NDUFA12: variants seen among roughly 807,000 people sequenced by gnomAD.
NDUFA12 encodes NADH:ubiquinone oxidoreductase subunit A12.
In NDUFA12, 17 loss-of-function variants were observed where a neutral mutation model predicts 20.3. That is an observed-to-expected ratio of 0.84 (90% CI 0.57 to 1.26). The LOEUF (loss-of-function observed/expected upper bound fraction) is 1.26, where lower values mean the gene tolerates loss of function less well. Among genes scored for constraint, NDUFA12 ranks in the 50% most tolerant of loss-of-function variants. NDUFA12 has a pLI of 0.00. For synonymous variants in NDUFA12, 72 were observed against 63.6 expected (o/e 1.13, Z -0.63); for missense variants, 191 against 183.7 (o/e 1.04, Z -0.23).
chr12:94,994,083 C>T, intron 3 of NDUFA12, 87 bp downstream of exon 3: 2 of 1,171,406 alleles, frequency 1.7e-6, no homozygotes, highest in Non-Finnish European at 2.5e-6. Flanking sequence ...ATGATCATGT[C>T]ACTGCACTCC....
Position 94,979,558 on chromosome 12 carries a change from A to C in NDUFA12, c.258-7938T>G, listed in dbSNP as rs1592699078. The stretch of plus-strand genomic sequence containing the variant: ...GAAAGGATTAAAAAGGGACGGGGTG[A>C]GGTGGCTTACACCTGTAATCCCAGC... On this transcript the variant is annotated intron_variant, in intron 3 of 3. Coordinates refer to ENST00000327772, the MANE Select transcript of NDUFA12 (RefSeq NM_018838.5). 2.0e-5 allele frequency among the ~76,000 whole-genome samples: 3 copies of C among 152,160 alleles called. No homozygotes were observed. In the East Asian group the frequency reaches 5.8e-4, roughly 29 times the overall value.
At chr12:94,980,989 A>G (rs1874217308) in intron 3 of NDUFA12, among the ~76,000 whole-genome samples, 5 of 152,188 alleles carry the variant, frequency 3.3e-5, no homozygotes, top group Admixed American at 2.0e-4. Context: ...GCTAACTACC[A>G]TAACAATGAA....
intron 3 of NDUFA12, among the ~76,000 whole-genome samples, chr12:94,976,139 A>T (rs1428505897): frequency 2.0e-5 from 3 of 152,230 alleles, no homozygotes; most frequent in Non-Finnish European, 4.4e-5. Context: ...ACTTATAGAT[A>T]GCATTTATAA....
At chr12:94,982,197 T>C (rs1184266843) in intron 3 of NDUFA12, among the ~76,000 whole-genome samples, 2 of 152,028 alleles carry the variant, frequency 1.3e-5, no homozygotes, top group Non-Finnish European at 2.9e-5. Flanking sequence ...CAGATGTTCC[T>C]CTCCCTGGGA....
At chr12:95,000,798 AT>A (rs1259726724) in intron 2 of NDUFA12, among the ~76,000 whole-genome samples, 19 of 152,290 alleles carry the variant, frequency 1.2e-4, no homozygotes, top group Admixed American at 1.2e-3. Flanking sequence ...TGCTACTGGA[AT>A]TTTTTTATAT....
At chr12:94,992,346 AC>A (rs764398622) in intron 3 of NDUFA12, among the ~76,000 whole-genome samples, 21 of 152,198 alleles carry the variant, frequency 1.4e-4, no homozygotes, top group Non-Finnish European at 2.5e-4. Flanking sequence ...AATGAGACTA[AC>A]CCCCAGAGAG....
At chr12:94,986,234 C>T (rs1404964472) in intron 3 of NDUFA12, among the ~76,000 whole-genome samples, 1 of 151,912 alleles carries the variant, frequency 6.6e-6, no homozygotes, top group East Asian at 1.9e-4. Context: ...GAACAAGACC[C>T]TGTCTTCAAA....
Position 94,990,905 on chromosome 12 carries a change from A to G in NDUFA12, c.257+3265T>C, listed in dbSNP as rs555509947. On this transcript the variant is annotated intron_variant, in intron 3 of 3. Coordinates refer to ENST00000327772, the MANE Select transcript of NDUFA12 (RefSeq NM_018838.5). ...TTAGCTCACAGTATTTGAAAAACAA[A>G]CAAACTATTCTGTCCAATCGAGTAG... is the stretch of plus-strand genomic sequence containing the variant. 4.9e-4 allele frequency among the ~76,000 whole-genome samples: 74 copies of G among 152,312 alleles called. No individual in the cohort carries two copies. The South Asian group carries it at 5.0e-3, about 10-fold the overall frequency.
chr12:94,984,835 G>C (rs1416909759), intron 3 of NDUFA12, among the ~76,000 whole-genome samples: 2 of 150,374 alleles, frequency 1.3e-5, no homozygotes, highest in Non-Finnish European at 2.9e-5. Flanking sequence ...AAAATTAGCT[G>C]GGCGTGGCAG....
At chr12:94,987,791 CAAAAAA>C (rs61711763) in intron 3 of NDUFA12, among the ~76,000 whole-genome samples, 15 of 69,346 alleles carry the variant, frequency 2.2e-4, no homozygotes, top group African/African-American at 7.7e-4. Context: ...GACATTGTCT[CAAAAAA>C]AAAAAAAAAA....
chr12:94,980,143 T>C (rs1242807120), intron 3 of NDUFA12, among the ~76,000 whole-genome samples: 1 of 152,204 alleles, frequency 6.6e-6, no homozygotes, highest in South Asian at 2.1e-4. Flanking sequence ...CTTTGCTGGT[T>C]TGGCAGGTTT....
At chr12:94,997,974 G>T (rs1255764678) in intron 2 of NDUFA12, among the ~76,000 whole-genome samples, 2 of 152,114 alleles carry the variant, frequency 1.3e-5, no homozygotes, top group Non-Finnish European at 2.9e-5. Context: ...GCTGCTGCTG[G>T]TCATTCTATG....
chr12:94,995,701 T>G (rs1874801693), intron 2 of NDUFA12, among the ~76,000 whole-genome samples: 1 of 152,016 alleles, frequency 6.6e-6, no homozygotes, highest in African/African-American at 2.4e-5. Flanking sequence ...GCCTGGCTAA[T>G]TTTTGTATTT....
At position 94,996,324 on chromosome 12, in the gene NDUFA12, T is replaced by TATACAC. The variant is rs1555201259; in HGVS notation, c.170-2068_170-2067insGTGTAT. Among the ~76,000 whole-genome samples the TATACAC allele has an allele frequency of 5.1e-3, 725 of 141,270 alleles. 4 individuals carry two copies. Among genetic ancestry groups the TATACAC allele is most frequent in the Middle Eastern group, 0.044 (12 of 270 alleles). 92.7% of individuals were successfully genotyped at this position (141,270 alleles called of 152,430 possible). A position where few individuals can be genotyped will look rare whatever the true frequency, so the allele number is the denominator to read the frequency against. ...ATATATAAATACATACATATATAGG[T>TATACAC]ACACACACACACACACACACACACA... On this transcript the variant is annotated intron_variant, in intron 2 of 3. Coordinates refer to ENST00000327772, the MANE Select transcript of NDUFA12 (RefSeq NM_018838.5).
At chr12:94,977,063 G>T (rs11835477) in intron 3 of NDUFA12, among the ~76,000 whole-genome samples, 1,800 of 152,302 alleles carry the variant, frequency 0.012, 30 homozygotes, top group African/African-American at 0.041. Context: ...AATTAATGCA[G>T]TTTGTAGTTT....
chr12:94,979,672 A>C (rs1366843082), intron 3 of NDUFA12, among the ~76,000 whole-genome samples: 1 of 151,734 alleles, frequency 6.6e-6, no homozygotes, highest in Non-Finnish European at 1.5e-5. Flanking sequence ...CCCTATAAAA[A>C]AAAAAATACA....
chr12:94,996,584 C>A (rs887621373), intron 2 of NDUFA12, among the ~76,000 whole-genome samples: 1 of 151,918 alleles, frequency 6.6e-6, no homozygotes, highest in East Asian at 1.9e-4. Context: ...CTTTGGGAGG[C>A]TGAGGCGGGT....
chr12:95,003,603 A>C lies in NDUFA12; in HGVS notation c.78T>G (p.Val26=). The C allele has an allele frequency of 1.2e-6, 2 of 1,614,116 alleles. No homozygotes were observed. The highest frequency in any genetic ancestry group is 1.7e-6 in the Non-Finnish European group (2 of 1,180,020). ...GHGGLRGYLR[V]FFRTNDAKVG... is the part of the protein sequence containing the mutation. Reference sequence around the variant, plus strand: ...TGGCTCTGGCCGCCTACCTGAAAAAAACCCGTAGATAGCCTCGGAGACCGC... The same window carrying C: ...TGGCTCTGGCCGCCTACCTGAAAAACACCCGTAGATAGCCTCGGAGACCGC... The change falls in exon 1 of 4, where the codon GTT becomes GTG. Residue 26 remains valine, a synonymous_variant. Transcript: ENST00000327772.
chr12:95,003,061 G>A lies in NDUFA12; in HGVS notation c.87-240C>T, dbSNP rs1163907118. Among the ~76,000 whole-genome samples the A allele has an allele frequency of 2.6e-5, 4 of 152,182 alleles. No homozygotes were observed. In the South Asian group the frequency reaches 8.3e-4, roughly 32 times the overall value. ...CTTGTATCTACTATCCCTCAGCCAG[G>A]AGGCACTGGAATTAGCAAAACCTTT... On this transcript the variant is annotated intron_variant, in intron 1 of 3. Transcript: ENST00000327772.
Sources: allele counts gnomAD v4.1 joint callset (sites outside exome capture counted in the v4.1 genomes callset), GRCh38; gene constraint gnomAD v4.1.1; transcripts MANE v1.5; gene names NCBI Gene and HGNC (gene_info 2026-07-23, HGNC 2026-07-21).